Variants in DLG2 observed in about 807,000 individuals in gnomAD.
DLG2 encodes the protein discs large MAGUK scaffold protein 2.
A neutral mutation model predicts 132.5 loss-of-function variants in DLG2; 45 were observed. That is an observed-to-expected ratio of 0.34 (90% confidence interval 0.27 to 0.44). DLG2 has a LOEUF of 0.44. Ranked by LOEUF, DLG2 falls within the 20% of genes least tolerant of loss-of-function variation. The probability of loss-of-function intolerance (pLI) is 1.00; values close to 1 mark genes in which losing one functional copy is unlikely to be tolerated. For missense variants in DLG2, 1,045 were observed against 1,196.9 expected (o/e 0.87, Z 1.87); for synonymous variants, 424 against 419.6 (o/e 1.01, Z -0.13).
chr11:85,102,019 G>A (rs2070934741), intron 6 of DLG2, among the ~76,000 whole-genome samples: 1 of 151,974 alleles, frequency 6.6e-6, no homozygotes, highest in African/African-American at 2.4e-5. Context: ...TGGCTGCCAA[G>A]ATGGTGGTTC....
chr11:84,250,542 C>T (rs183277404), intron 8 of DLG2, among the ~76,000 whole-genome samples: 1 of 152,300 alleles, frequency 6.6e-6, no homozygotes, highest in East Asian at 1.9e-4. Context: ...TCACTATCCT[C>T]CACTCATCAG....
At position 83,711,751 on chromosome 11, in the gene DLG2, C is replaced by T. The variant is rs536417518; in HGVS notation, c.1825+74939G>A. On this transcript the variant is annotated intron_variant, in intron 18 of 27. Coordinates refer to ENST00000376104, the MANE Select transcript of DLG2 (RefSeq NM_001142699.3). ...TTGCCTGTCTTTTTATTAGGGTTTA[C>T]AGGAAGCCTTGCTAATCAAAGCATG... Among the ~76,000 whole-genome samples, 24 of 152,244 alleles carry T rather than the reference C, an allele frequency of 1.6e-4. No individual in the cohort carries two copies. In the South Asian group the frequency reaches 5.0e-3, roughly 32 times the overall value.
At chr11:84,134,579 C>T (rs2094532801) in intron 9 of DLG2, among the ~76,000 whole-genome samples, 2 of 152,040 alleles carry the variant, frequency 1.3e-5, no homozygotes, top group Non-Finnish European at 1.5e-5. Context: ...GTCACCCAGT[C>T]AGCAGGGAAC....
chr11:85,064,703 G>A (rs1166287998), intron 6 of DLG2, among the ~76,000 whole-genome samples: 4 of 151,618 alleles, frequency 2.6e-5, no homozygotes, highest in African/African-American at 9.7e-5. Flanking sequence ...TTTTACATAT[G>A]ATTAGCATTC....
chr11:84,479,464 T>G lies in DLG2; in HGVS notation c.519+55106A>C, dbSNP rs539028206. ...TATTATTTCTAATCAATTAATTTTC[T>G]TATTCCTCTAATATATATTCTGAGG... On this transcript the variant is annotated intron_variant, in intron 7 of 27. Coordinates refer to ENST00000376104, the MANE Select transcript of DLG2 (RefSeq NM_001142699.3). Among the ~76,000 whole-genome samples, 18 of 152,234 alleles carry G rather than the reference T, an allele frequency of 1.2e-4. No individual in the cohort carries two copies. In the South Asian group the frequency reaches 3.5e-3, roughly 30 times the overall value.
At chr11:83,630,451 G>A (rs1374093318) in intron 19 of DLG2, among the ~76,000 whole-genome samples, 7 of 152,124 alleles carry the variant, frequency 4.6e-5, no homozygotes, top group Admixed American at 4.6e-4. Flanking sequence ...AACAAAGAAG[G>A]TGCTTGCTTT....
intron 7 of DLG2, among the ~76,000 whole-genome samples, chr11:84,465,771 T>C (rs1460732740): frequency 1.3e-5 from 2 of 151,402 alleles, no homozygotes; most frequent in East Asian, 1.9e-4. Flanking sequence ...CTGACATAAA[T>C]AGCAGATAGA....
At chr11:85,425,292 C>G (rs1264122266) in intron 3 of DLG2, among the ~76,000 whole-genome samples, 5 of 152,018 alleles carry the variant, frequency 3.3e-5, no homozygotes, top group Non-Finnish European at 7.4e-5. Flanking sequence ...AACATTTGCT[C>G]TATAAATGAC....
intron 6 of DLG2, among the ~76,000 whole-genome samples, chr11:84,735,303 C>T (rs1043552122): frequency 2.0e-5 from 3 of 152,112 alleles, no homozygotes; most frequent in African/African-American, 7.2e-5. Context: ...TAATTATTGC[C>T]TCAATTTCAG....
intron 6 of DLG2, among the ~76,000 whole-genome samples, chr11:84,752,202 C>T (rs143196235): frequency 6.6e-6 from 1 of 152,306 alleles, no homozygotes; most frequent in African/African-American, 2.4e-5. Flanking sequence ...TTAACCTCTT[C>T]ACTTCACTTT....
At chr11:84,185,041 C>G (rs1035133997) in intron 8 of DLG2, among the ~76,000 whole-genome samples, 1 of 152,164 alleles carries the variant, frequency 6.6e-6, no homozygotes, top group Non-Finnish European at 1.5e-5. Flanking sequence ...TTAGGATTGA[C>G]TTGGCAATGC....
chr11:85,259,706 A>C (rs2076843859), intron 4 of DLG2, among the ~76,000 whole-genome samples: 1 of 151,952 alleles, frequency 6.6e-6, no homozygotes, highest in South Asian at 2.1e-4. Flanking sequence ...CTGTCTCTCC[A>C]TAAATTCTGT....
At chr11:83,473,803 C>G (rs1002116242) in intron 22 of DLG2, among the ~76,000 whole-genome samples, 10 of 152,070 alleles carry the variant, frequency 6.6e-5, no homozygotes, top group African/African-American at 2.2e-4. Flanking sequence ...CCAGGTTTTC[C>G]TCCTTCAACA....
Position 83,883,776 on chromosome 11 carries a change from G to A in DLG2, c.1497-9288C>T, listed in dbSNP as rs150655527. Among the ~76,000 whole-genome samples the A allele has an allele frequency of 1.5e-3, 225 of 151,178 alleles. 1 individual carries two copies. The highest frequency in any genetic ancestry group is 5.2e-3 in the African/African-American group (216 of 41,210). On this transcript the variant is annotated intron_variant, in intron 15 of 27. Transcript: ENST00000376104. Reference sequence around the variant, plus strand: ...AAAGCTGCATCTCAGAAAGCAATAAGGCACTTAGTAATGTATGAACATGTA... The same window carrying A: ...AAAGCTGCATCTCAGAAAGCAATAAAGCACTTAGTAATGTATGAACATGTA...
chr11:84,079,590 AGCTTCTTAGACT>A (rs1305703754), intron 10 of DLG2, among the ~76,000 whole-genome samples: 4 of 152,138 alleles, frequency 2.6e-5, no homozygotes, highest in Non-Finnish European at 5.9e-5. Flanking sequence ...GCCCTACAAC[AGCTTCTTAGACT>A]GCTATAACTG....
chr11:85,465,066 T>C (rs1470496281), intron 3 of DLG2, among the ~76,000 whole-genome samples: 1 of 57,478 alleles, frequency 1.7e-5, no homozygotes, highest in Non-Finnish European at 3.1e-5. Flanking sequence ...AGTGCAGAAC[T>C]CTGCCTCAAA....
Position 84,608,816 on chromosome 11 carries a change from A to G in DLG2, c.358-74085T>C, listed in dbSNP as rs1001898079. On this transcript the variant is annotated intron_variant, in intron 6 of 27. Transcript: ENST00000376104. ...CAATTAAACAAAAACTTAAATACTG[A>G]TAAGTATATGCCAAGCACTGTTTCA... 4.5e-4 allele frequency among the ~76,000 whole-genome samples: 69 copies of G among 152,328 alleles called. 1 individual carries two copies. The highest frequency in any genetic ancestry group is 1.6e-3 in the African/African-American group (67 of 41,572).
intron 19 of DLG2, among the ~76,000 whole-genome samples, chr11:83,574,745 T>C (rs1221976767): frequency 6.6e-6 from 1 of 152,240 alleles, no homozygotes; most frequent in Non-Finnish European, 1.5e-5. Flanking sequence ...GAATGTACTT[T>C]TTAGCTAAGC....
At chr11:84,720,219 TAAAC>T in intron 6 of DLG2, 2 of 968,134 alleles carry the variant, frequency 2.1e-6, no homozygotes, top group Non-Finnish European at 2.5e-6. Context: ...CAGGCAGACA[TAAAC>T]AAGCAACAGA....
Sources: gnomAD v4.1 joint callset for allele counts (sites outside exome capture counted in the v4.1 genomes callset) on GRCh38, gnomAD v4.1.1 for gene constraint, MANE v1.5 for transcripts, NCBI Gene and HGNC (gene_info 2026-07-23, HGNC 2026-07-21) for gene names.